The following SOX6 variants were observed in gnomAD, a reference collection of about 807,000 sequenced individuals.
The protein encoded by SOX6 is SRY-box transcription factor 6.
SOX6 carries 11 observed loss-of-function variants against 97.8 expected under a neutral mutation model. That is an observed-to-expected ratio of 0.11 (90% CI 0.07 to 0.19). SOX6 has a LOEUF of 0.19. SOX6 is among the 10% of genes least tolerant of loss of function. The pLI, the probability that SOX6 is intolerant of heterozygous loss-of-function variation, is 1.00. For missense variants in SOX6, 810 were observed against 1,039.5 expected, an observed-to-expected ratio of 0.78 and a Z score of 3.04; for synonymous variants, 360 against 371.4, an observed-to-expected ratio of 0.97 and a Z score of 0.35.
chr11:16,102,791 C>T (rs377401862), intron 7 of SOX6, among the ~76,000 whole-genome samples: 1 of 151,860 alleles, frequency 6.6e-6, no homozygotes, highest in African/African-American at 2.4e-5. Flanking sequence ...ACACCCTATT[C>T]AACAAATGAT....
At chr11:16,194,038 AG>A (rs1255874578) in intron 4 of SOX6, among the ~76,000 whole-genome samples, 1 of 152,202 alleles carries the variant, frequency 6.6e-6, no homozygotes, top group Non-Finnish European at 1.5e-5. Flanking sequence ...AGCAACAAAA[AG>A]TCAACAAAAA....
At chr11:16,053,508 T>C (rs1847734417) in intron 10 of SOX6, among the ~76,000 whole-genome samples, 1 of 152,144 alleles carries the variant, frequency 6.6e-6, no homozygotes, top group African/African-American at 2.4e-5. Context: ...ATACTCACTA[T>C]AATACTAGAG....
At chr11:16,515,886 T>G (rs1341409775) in intron 4 of SOX6, among the ~76,000 whole-genome samples, 2 of 131,440 alleles carry the variant, frequency 1.5e-5, no homozygotes. Flanking sequence ...CTGAGGGCTC[T>G]GTTCTGTTCC....
At chr11:16,521,573 G>A (rs955081028) in intron 4 of SOX6, among the ~76,000 whole-genome samples, 5 of 152,198 alleles carry the variant, frequency 3.3e-5, no homozygotes, top group Non-Finnish European at 7.3e-5. Context: ...AAAGCAGAGC[G>A]CCTCTTCTCC....
chr11:16,060,900 T>C (rs1847932346), intron 9 of SOX6, among the ~76,000 whole-genome samples: 1 of 151,864 alleles, frequency 6.6e-6, no homozygotes, highest in Non-Finnish European at 1.5e-5. Context: ...GAAGATATGA[T>C]CTAATTATTT....
At chr11:16,089,329 A>C (rs982442705) in intron 9 of SOX6, among the ~76,000 whole-genome samples, 3 of 152,160 alleles carry the variant, frequency 2.0e-5, no homozygotes, top group African/African-American at 7.2e-5. Flanking sequence ...ATTTGACTCA[A>C]GATGACTCTA....
chr11:16,100,624 G>C (rs1848919420), intron 7 of SOX6, among the ~76,000 whole-genome samples: 1 of 151,530 alleles, frequency 6.6e-6, no homozygotes, highest in Non-Finnish European at 1.5e-5. Context: ...CTGACATGAA[G>C]CAGAAAATTA....
At chr11:16,435,718 A>G (rs1859362904) in intron 1 of SOX6, among the ~76,000 whole-genome samples, 1 of 152,106 alleles carries the variant, frequency 6.6e-6, no homozygotes, top group African/African-American at 2.4e-5. Context: ...TAATACACCT[A>G]CCAAAAAAGT....
chr11:16,422,816 TA>T (rs931077139), intron 1 of SOX6, among the ~76,000 whole-genome samples: 1 of 152,138 alleles, frequency 6.6e-6, no homozygotes, highest in Admixed American at 6.5e-5. Context: ...AAAAAACCTT[TA>T]TTTTTTTTCT....
At chr11:16,411,726 A>T (rs189630440) in intron 1 of SOX6, among the ~76,000 whole-genome samples, 1 of 152,316 alleles carries the variant, frequency 6.6e-6, no homozygotes, top group East Asian at 1.9e-4. Context: ...GTGACTTACC[A>T]AAGTCAAGCA....
At chr11:16,463,266 C>T (rs1262257347) in intron 1 of SOX6, among the ~76,000 whole-genome samples, 1 of 152,112 alleles carries the variant, frequency 6.6e-6, no homozygotes, top group Non-Finnish European at 1.5e-5. Flanking sequence ...TTCATTTACT[C>T]ATTCTTTCAA....
intron 4 of SOX6, among the ~76,000 whole-genome samples, chr11:16,225,891 C>T (rs1852673798): frequency 3.3e-5 from 5 of 152,122 alleles, no homozygotes; most frequent in Admixed American, 3.3e-4. Context: ...TTGCACCAAA[C>T]CCAACCATAA....
chr11:16,563,672 G>A (rs1751666874), intron 4 of SOX6, among the ~76,000 whole-genome samples: 1 of 152,102 alleles, frequency 6.6e-6, no homozygotes, highest in African/African-American at 2.4e-5. Context: ...GAGGACAGAA[G>A]AAAGACAGTG....
chr11:16,628,361 C>T (rs117248592), intron 3 of SOX6, among the ~76,000 whole-genome samples: 3,590 of 152,130 alleles, frequency 0.024, 73 homozygotes, highest in Middle Eastern at 0.065. Flanking sequence ...TGGTTGCTCA[C>T]GCCTGCAATC....
intron 12 of SOX6, chr11:16,023,396 G>T (rs913559542): frequency 6.6e-6 from 1 of 152,008 alleles, no homozygotes; most frequent in African/African-American, 2.4e-5. Flanking sequence ...TGGTAAAATT[G>T]CTTCTCTTTC....
At position 16,438,944 on chromosome 11, in the gene SOX6, G is replaced by A. The variant is rs374259261; in HGVS notation, c.-5+37371C>T. On this transcript the variant is annotated intron_variant, in intron 1 of 15. Coordinates refer to the SOX6 transcript ENST00000396356. ...GACAAGAAGTACAGGAGAGCATGTA[G>A]GTGAATAGGAAGAAGTATATTGTTA... Among the ~76,000 whole-genome samples, 6 of 152,242 alleles carry A rather than the reference G, an allele frequency of 3.9e-5. No individual in the cohort carries two copies. The East Asian group carries it at 5.8e-4, about 15-fold the overall frequency.
At chr11:16,282,164 A>G (rs1013913127) in intron 3 of SOX6, among the ~76,000 whole-genome samples, 1 of 151,030 alleles carries the variant, frequency 6.6e-6, no homozygotes, top group African/African-American at 2.4e-5. Flanking sequence ...TTTCTCAGTC[A>G]AATATATAGT....
At chr11:15,984,501 G>A (rs543866879) in intron 15 of SOX6, among the ~76,000 whole-genome samples, 5 of 152,112 alleles carry the variant, frequency 3.3e-5, no homozygotes, top group Non-Finnish European at 5.9e-5. Context: ...GTGTACTAAC[G>A]GGATTAAAAG....
intron 13 of SOX6, among the ~76,000 whole-genome samples, chr11:15,996,790 A>G (rs1196505616): frequency 6.6e-6 from 1 of 152,204 alleles, no homozygotes; most frequent in Non-Finnish European, 1.5e-5. Context: ...AAAATACTGA[A>G]GTGTAAGACC....
Sources: gnomAD v4.1 joint callset for allele counts (sites outside exome capture counted in the v4.1 genomes callset) on GRCh38, gnomAD v4.1.1 for gene constraint, MANE v1.5 for transcripts, NCBI Gene and HGNC (gene_info 2026-07-23, HGNC 2026-07-21) for gene names.